Variants in SLC2A12 observed in about 807,000 individuals in gnomAD.
SLC2A12 encodes solute carrier family 2, facilitated glucose transporter member 12.
Under a neutral mutation model 41.8 loss-of-function variants are expected in SLC2A12, and 23 were observed. That is an observed-to-expected ratio of 0.55 (90% CI 0.40 to 0.78). SLC2A12 has a LOEUF of 0.78. Among genes scored for constraint, SLC2A12 ranks in the 30% least tolerant of loss-of-function variants. The pLI is 0.00. For missense variants in SLC2A12, 654 were observed against 745.6 expected (o/e 0.88, Z 1.43); for synonymous variants, 295 against 285.9 (o/e 1.03, Z -0.32).
At chr6:134,004,783 G>A (rs941656540) in intron 3 of SLC2A12, among the ~76,000 whole-genome samples, 1 of 152,166 alleles carries the variant, frequency 6.6e-6, no homozygotes, top group African/African-American at 2.4e-5. Context: ...TAGCCAAATA[G>A]CTAATGAGAA....
intron 1 of SLC2A12, among the ~76,000 whole-genome samples, chr6:134,032,137 C>T (rs1357174552): frequency 6.6e-6 from 1 of 151,960 alleles, no homozygotes; most frequent in Non-Finnish European, 1.5e-5. Context: ...ATCTAAAGCT[C>T]TACCACAAAT....
intron 1 of SLC2A12, among the ~76,000 whole-genome samples, chr6:134,051,335 A>G (rs1773681326): frequency 6.6e-6 from 1 of 152,202 alleles, no homozygotes; most frequent in South Asian, 2.1e-4. Context: ...TAGGGGTCAC[A>G]GGTTCGATTC....
intron 2 of SLC2A12, among the ~76,000 whole-genome samples, chr6:134,024,653 T>A (rs1179292676): frequency 6.6e-6 from 1 of 152,244 alleles, no homozygotes; most frequent in Non-Finnish European, 1.5e-5. Flanking sequence ...CAAGGGACCA[T>A]TAGCTCTTAG....
rs1773707908 is a variant in SLC2A12, at chr6:134,052,562, T to C, written c.-82A>G. The C allele has an allele frequency of 6.8e-6, 7 of 1,033,102 alleles. No individual in the cohort carries two copies. The highest frequency in any genetic ancestry group is 2.4e-5 in the East Asian group (1 of 41,880). The allele number at this position is 1,033,102 out of a possible 1,614,324, so 64.0% of individuals were successfully genotyped here. A position where few individuals can be genotyped will look rare whatever the true frequency, so the allele number is the denominator to read the frequency against. On this transcript the variant is annotated 5_prime_UTR_variant, in exon 1 of 5. It removes an upstream start codon present in the reference 5' UTR. Transcript: ENST00000275230. The stretch of plus-strand genomic sequence containing the variant: ...CTCCCAGGAGTGGTCACTTTCCCCA[T>C]AATAGCATGCTAAAGAAGAGTGTGG...
intron 2 of SLC2A12, among the ~76,000 whole-genome samples, chr6:134,024,814 C>T (rs1049383389): frequency 3.3e-5 from 5 of 152,156 alleles, no homozygotes; most frequent in African/African-American, 1.2e-4. Flanking sequence ...TGGGCACCTC[C>T]ACAACACCCA....
At chr6:134,000,495 A>AT (rs916247426) in intron 4 of SLC2A12, among the ~76,000 whole-genome samples, 8 of 152,194 alleles carry the variant, frequency 5.3e-5, no homozygotes, top group African/African-American at 1.9e-4. Context: ...GTAATCATAC[A>AT]TTTTTCTCTA....
chr6:134,032,839 A>C (rs1350642046), intron 1 of SLC2A12, among the ~76,000 whole-genome samples: 1 of 143,572 alleles, frequency 7.0e-6, no homozygotes, highest in Non-Finnish European at 1.5e-5. Context: ...TATATTATTT[A>C]TATATAAATA....
intron 4 of SLC2A12, among the ~76,000 whole-genome samples, chr6:133,994,645 G>A (rs1776664315): frequency 6.6e-6 from 1 of 152,026 alleles, no homozygotes; most frequent in South Asian, 2.1e-4. Context: ...GGAGAATGGC[G>A]TGAACCTGGG....
intron 4 of SLC2A12, among the ~76,000 whole-genome samples, chr6:133,991,654 A>G (rs1389203043): frequency 2.0e-5 from 3 of 152,180 alleles, no homozygotes; most frequent in Admixed American, 6.5e-5. Flanking sequence ...CTATATTTAT[A>G]TCTCTTCTAT....
intron 4 of SLC2A12, among the ~76,000 whole-genome samples, chr6:133,993,020 G>C (rs950833281): frequency 6.6e-6 from 1 of 152,122 alleles, no homozygotes; most frequent in Admixed American, 6.5e-5. Flanking sequence ...GCTTACATCT[G>C]TCTTTGTGCT....
intron 2 of SLC2A12, 102 bp from the exon 3 acceptor site, chr6:134,007,036 G>A (rs1370450435): frequency 7.3e-6 from 11 of 1,510,534 alleles, no homozygotes; most frequent in Non-Finnish European, 3.5e-6. Context: ...ATCCTGCCGG[G>A]ATTTGTGGTT....
chr6:134,043,237 G>A (rs531223268), intron 1 of SLC2A12, among the ~76,000 whole-genome samples: 1 of 152,240 alleles, frequency 6.6e-6, no homozygotes, highest in African/African-American at 2.4e-5. Flanking sequence ...TGGAAGTGGA[G>A]GGCAAGGACC....
chr6:134,050,734 C>T (rs894586277), intron 1 of SLC2A12, among the ~76,000 whole-genome samples: 4 of 152,120 alleles, frequency 2.6e-5, no homozygotes, highest in Admixed American at 2.0e-4. Context: ...GCAGTCTAGA[C>T]TGCAGCTCAT....
chr6:134,015,638 G>A (rs376099354), intron 2 of SLC2A12, among the ~76,000 whole-genome samples: 4 of 152,148 alleles, frequency 2.6e-5, no homozygotes, highest in Admixed American at 1.3e-4. Flanking sequence ...TGCGTGTTAG[G>A]GACCTGGAGC....
chr6:134,018,791 G>A (rs770773821), intron 2 of SLC2A12, among the ~76,000 whole-genome samples: 15 of 150,640 alleles, frequency 1.0e-4, no homozygotes, highest in East Asian at 5.8e-4. Flanking sequence ...TCACTGGTTC[G>A]TGAAAATAAG....
intron 2 of SLC2A12, among the ~76,000 whole-genome samples, chr6:134,025,315 C>G (rs1275547105): frequency 6.6e-6 from 1 of 152,194 alleles, no homozygotes; most frequent in Admixed American, 6.5e-5. Context: ...CAGCAAGTCA[C>G]TTAATTTCTC....
intron 2 of SLC2A12, among the ~76,000 whole-genome samples, chr6:134,015,199 T>A (rs1353390089): frequency 2.6e-5 from 4 of 152,246 alleles, no homozygotes; most frequent in Non-Finnish European, 4.4e-5. Context: ...TAAACTCACA[T>A]GACTATTATT....
rs888490174 is a variant in SLC2A12 at position 134,033,120 on chromosome 6, G to A, written c.104-3399C>T. ...TGAGCCTGGAGAGGTAGGACGGAAAGGGCTTAAAGTGAATTTGGGTAAGTA... is the reference window on the plus strand; with the variant it reads ...TGAGCCTGGAGAGGTAGGACGGAAAAGGCTTAAAGTGAATTTGGGTAAGTA... On this transcript the variant is annotated intron_variant, in intron 1 of 4. Transcript: ENST00000275230. Among the ~76,000 whole-genome samples, 5 of 151,930 alleles carry A rather than the reference G, an allele frequency of 3.3e-5. No individual in the cohort carries two copies. The South Asian group carries it at 6.2e-4, about 19-fold the overall frequency.
chr6:134,021,497 T>C (rs1777039749), intron 2 of SLC2A12, among the ~76,000 whole-genome samples: 1 of 152,232 alleles, frequency 6.6e-6, no homozygotes, highest in Non-Finnish European at 1.5e-5. Context: ...GACTAAGATG[T>C]GTTCTCACAT....
Sources: gnomAD v4.1 joint callset for allele counts (sites outside exome capture counted in the v4.1 genomes callset) on GRCh38, gnomAD v4.1.1 for gene constraint, MANE v1.5 for transcripts, NCBI Gene and HGNC (gene_info 2026-07-23, HGNC 2026-07-21) for gene names.